DNAJC2: variants seen among roughly 807,000 people sequenced by gnomAD.
DNAJC2 encodes the protein dnaJ homolog subfamily C member 2.
A neutral mutation model predicts 94.0 loss-of-function variants in DNAJC2; 32 were observed. That is an observed-to-expected ratio of 0.34 (90% CI 0.26 to 0.46). The LOEUF is 0.46. DNAJC2 is among the 20% of genes least tolerant of loss of function. The pLI is 1.00. For synonymous variants in DNAJC2, 210 were observed against 229.7 expected (o/e 0.91, Z 0.77); for missense variants, 550 against 719.5 (o/e 0.76, Z 2.69).
chr7:103,334,949 G>A (rs1405798986), intron 3 of DNAJC2, among the ~76,000 whole-genome samples: 3 of 151,896 alleles, frequency 2.0e-5, no homozygotes, highest in East Asian at 1.9e-4. Context: ...TTCTCGTGCC[G>A]CAGCCGCCCA....
rs117776402 is a variant in DNAJC2 at position 103,322,357 on chromosome 7, C to G, written c.933+154G>C. ...AAAAACGTGCTGGTAAGGAAGATCT[C>G]TCAATTATACCAACTGGTCATGATT... On this transcript the variant is annotated intron_variant, in intron 9 of 16. Transcript: ENST00000379263. 3.4e-3 allele frequency among the ~76,000 whole-genome samples: 521 copies of G among 152,194 alleles called. 2 individuals carry two copies. The highest frequency in any genetic ancestry group is 0.01 in the Middle Eastern group (3 of 294).
rs1267445577 is a variant in DNAJC2 at position 103,341,963 on chromosome 7, GA to G, written c.65-10del. 12 of 1,556,042 alleles carry G rather than the reference GA, an allele frequency of 7.7e-6. No individual in the cohort carries two copies. The highest frequency in any genetic ancestry group is 1.0e-5 in the Non-Finnish European group (12 of 1,153,710). ...TTGACAGAGTGTAGAGGCTGTGATT[GA>G]AAGTGTTAAGAGAGGCTTCAGTGTA... On this transcript the variant is annotated splice_polypyrimidine_tract_variant and intron_variant, in intron 1 of 16. Transcript: ENST00000379263.
rs185041658 is a variant in DNAJC2 at position 103,332,162 on chromosome 7, G to A, written c.332-4408C>T. 4.0e-3 allele frequency among the ~76,000 whole-genome samples: 602 copies of A among 151,974 alleles called. 4 individuals carry two copies. Among genetic ancestry groups the A allele is most frequent in the African/African-American group, 0.014 (564 of 41,450 alleles). On this transcript the variant is annotated intron_variant, in intron 3 of 16. Coordinates refer to ENST00000379263, the MANE Select transcript of DNAJC2 (RefSeq NM_014377.3). ...TGGGACTACAGGCACCCGCCACCAC[G>A]CCTGCCTAATTTTTTTGTATTTTTA...
At chr7:103,317,107 C>T (rs576186404) in intron 12 of DNAJC2, 93 bp from the exon 13 acceptor site, 2 of 1,098,788 alleles carry the variant, frequency 1.8e-6, no homozygotes, top group African/African-American at 1.6e-5. Context: ...CCTCAACTCT[C>T]AATGTCATTC....
chr7:103,343,648 G>A (rs1298572060), intron 1 of DNAJC2, among the ~76,000 whole-genome samples: 1 of 152,154 alleles, frequency 6.6e-6, no homozygotes, highest in Non-Finnish European at 1.5e-5. Context: ...CTGGGAAGTG[G>A]GGGTAAATCA....
Position 103,317,656 on chromosome 7 carries a change from C to A in DNAJC2, c.1243-642G>T, listed in dbSNP as rs865936780. Among the ~76,000 whole-genome samples the A allele has an allele frequency of 5.9e-5, 9 of 151,986 alleles. No homozygotes were observed. In the Middle Eastern group the frequency reaches 0.017, roughly 287 times the overall value. On this transcript the variant is annotated intron_variant, in intron 12 of 16. Transcript: ENST00000379263. ...TTCATAGTGCAGGTTCTTTTTCTTT[C>A]TTTCTTACTTTTGAGGCAGAGTCTC...
At chr7:103,329,055 A>T in intron 3 of DNAJC2, 1 of 1,175,888 alleles carries the variant, frequency 8.5e-7, no homozygotes, top group East Asian at 6.3e-5. Flanking sequence ...ACGTCTAATT[A>T]TTTAAAATTT....
rs140254804 is a variant in DNAJC2 at position 103,330,612 on chromosome 7, C to T, written c.332-2858G>A. On this transcript the variant is annotated intron_variant, in intron 3 of 16. Transcript: ENST00000379263. ...GATTACAGCCATGTGCCACTACGCC[C>T]GGCTAATTTTTATATTTTTAGTAGA... is the stretch of plus-strand genomic sequence containing the variant. Among the ~76,000 whole-genome samples, 446 of 152,042 alleles carry T rather than the reference C, an allele frequency of 2.9e-3. 2 individuals carry two copies. The highest frequency in any genetic ancestry group is 0.01 in the African/African-American group (434 of 41,466).
chr7:103,328,344 G>A (rs1282157852), intron 3 of DNAJC2, among the ~76,000 whole-genome samples: 1 of 151,964 alleles, frequency 6.6e-6, no homozygotes, highest in Non-Finnish European at 1.5e-5. Flanking sequence ...AAAAATTCAG[G>A]TGTAGGCTGG....
Position 103,326,652 on chromosome 7 carries a change from G to T in DNAJC2, c.463C>A (p.Arg155=). The T allele has an allele frequency of 6.2e-7, 1 of 1,612,460 alleles. No individual in the cohort carries two copies. ...YEMLSDPVKR[R]AFNSVDPTFD... is the part of the protein sequence containing the mutation. ...GTAGGATCTACACTGTTAAATGCTC[G>T]TCTTTTCACTGGATCAGATAACATT... The change falls in exon 5 of 17, where the codon CGA becomes AGA. Residue 155 remains arginine (R), a synonymous_variant. Transcript: ENST00000379263.
At chr7:103,317,477 C>G (rs181307604) in intron 12 of DNAJC2, 285 of 153,808 alleles carry the variant, frequency 1.9e-3, no homozygotes, top group Non-Finnish European at 3.6e-3. Context: ...CAAACATGCA[C>G]AAGTAAAAAA....
At chr7:103,334,858 C>T (rs1165988840) in intron 3 of DNAJC2, among the ~76,000 whole-genome samples, 1 of 152,080 alleles carries the variant, frequency 6.6e-6, no homozygotes, top group Non-Finnish European at 1.5e-5. Context: ...TTTTTTGAGG[C>T]AGTTTCCCTC....
chr7:103,328,731 GT>G (rs201198665), intron 3 of DNAJC2, among the ~76,000 whole-genome samples: 1,822 of 152,194 alleles, frequency 0.012, 35 homozygotes, highest in African/African-American at 0.042. Flanking sequence ...ATTTTCCATG[GT>G]TTTTTCCTTG....
chr7:103,322,697 A>G lies in DNAJC2; in HGVS notation c.811+6T>C, dbSNP rs763642068. On this transcript the variant is annotated splice_donor_region_variant and intron_variant, in intron 8 of 16. Coordinates refer to ENST00000379263, the MANE Select transcript of DNAJC2 (RefSeq NM_014377.3). ...CATTTAGGGGACTTAAATCAATTCT[A>G]CTTACCAACTAATGTTCTTATTCTG... 3 of 1,612,614 alleles carry G rather than the reference A, an allele frequency of 1.9e-6. No individual in the cohort carries two copies. Among genetic ancestry groups the G allele is most frequent in the South Asian group, 2.2e-5 (2 of 91,052 alleles).
Position 103,324,497 on chromosome 7 carries a change from A to G in DNAJC2, c.638T>C (p.Ile213Thr). The stretch of plus-strand genomic sequence containing the variant: ...ATTCACTTACCAGAAAGAATAAAAT[A>G]TATCTACATCTTCAAATGATGAATT... The part of the protein sequence containing the change: ...DMNSSFEDVD[I>T]FYSFWYNFDS... Residue 213 changes from isoleucine (I) to threonine (T), a missense_variant, in exon 6 of 17, where the codon ATA (isoleucine) becomes ACA (threonine). Coordinates refer to ENST00000379263, the MANE Select transcript of DNAJC2 (RefSeq NM_014377.3). The G allele has an allele frequency of 6.7e-7, 1 of 1,498,454 alleles. No homozygotes were observed. The highest frequency in any genetic ancestry group is 1.3e-5 in the South Asian group (1 of 79,244). 92.8% of individuals were successfully genotyped at this position (1,498,454 alleles called of 1,614,324 possible).
At chr7:103,339,725 C>T (rs546636276) in intron 2 of DNAJC2, among the ~76,000 whole-genome samples, 1 of 152,206 alleles carries the variant, frequency 6.6e-6, no homozygotes, top group Non-Finnish European at 1.5e-5. Flanking sequence ...TTTCAGCCTC[C>T]TGAGTAGCTG....
In DNAJC2 at chr7:103,312,289, T is replaced by C. The variant is rs372553812; in HGVS notation, c.*280A>G. ...GTGATTAAAATGCTCCTAATCAAGA[T>C]TGTTTGAACACATGTATTTATAAAA... On this transcript the variant is annotated 3_prime_UTR_variant, in exon 17 of 17. Transcript: ENST00000379263. 2 of 1,607,824 alleles carry C rather than the reference T, an allele frequency of 1.2e-6. No homozygotes were observed. The highest frequency in any genetic ancestry group is 1.7e-6 in the Non-Finnish European group (2 of 1,179,808).
In DNAJC2 at chr7:103,322,689, T is replaced by G; in HGVS notation, c.811+14A>C. The G allele has an allele frequency of 6.2e-7, 1 of 1,612,816 alleles. No individual in the cohort carries two copies. Among genetic ancestry groups the G allele is most frequent in the Non-Finnish European group, 8.5e-7 (1 of 1,179,704 alleles). On this transcript the variant is annotated intron_variant, in intron 8 of 16. Coordinates refer to ENST00000379263, the MANE Select transcript of DNAJC2 (RefSeq NM_014377.3). ...ATTTCTAACATTTAGGGGACTTAAA[T>G]CAATTCTACTTACCAACTAATGTTC...
rs79588426 is a variant in DNAJC2 at position 103,313,105 on chromosome 7, A to T, written c.1637-4T>A. The T allele has an allele frequency of 0.037, 59,080 of 1,593,916 alleles. 1,436 individuals carry two copies. Among genetic ancestry groups the T allele is most frequent in the African/African-American group, 0.098 (7,198 of 73,528 alleles). On this transcript the variant is annotated splice_polypyrimidine_tract_variant and splice_region_variant and intron_variant, in intron 15 of 16. Transcript: ENST00000379263. Reference sequence around the variant, plus strand: ...GGGGTGAAGTCTGTATATGGACCTGATTAAGAAAAATTTTTATTTGAAAAC... The same window carrying T: ...GGGGTGAAGTCTGTATATGGACCTGTTTAAGAAAAATTTTTATTTGAAAAC...
Sources: allele counts gnomAD v4.1 joint callset (sites outside exome capture counted in the v4.1 genomes callset), GRCh38; gene constraint gnomAD v4.1.1; transcripts MANE v1.5; gene names NCBI Gene and HGNC (gene_info 2026-07-23, HGNC 2026-07-21).